OPA1: variants seen among roughly 807,000 people sequenced by gnomAD.
The protein encoded by OPA1 is OPA1 mitochondrial dynamin like GTPase, also known as dynamin-like GTPase OPA1, mitochondrial.
OPA1 carries 59 observed loss-of-function variants against 152.9 expected under a neutral mutation model. The ratio of observed to expected loss-of-function variants is 0.39; its 90% confidence interval spans 0.31 to 0.48. The LOEUF (loss-of-function observed/expected upper bound fraction) is 0.48. OPA1 is among the 20% of genes least tolerant of loss of function. The pLI is 0.96. For missense variants in OPA1, 1,008 were observed against 1,216.8 expected (o/e 0.83, Z 2.55); for synonymous variants, 400 against 389.9 (o/e 1.03, Z -0.31).
chr3:193,599,270 T>TTA (rs1726092788), intron 1 of OPA1, among the ~76,000 whole-genome samples: 2 of 152,208 alleles, frequency 1.3e-5, no homozygotes, highest in Non-Finnish European at 2.9e-5. Flanking sequence ...AGCCTCAGCC[T>TTA]TATATTCAGT....
At chr3:193,614,572 T>TA (rs1189892955) in intron 1 of OPA1, 151 bp from the exon 2 acceptor site, 1 of 704,872 alleles carries the variant, frequency 1.4e-6, no homozygotes, top group Non-Finnish European at 2.6e-6. Context: ...GTCTGGCACA[T>TA]AGTCAATGGT....
intron 11 of OPA1, among the ~76,000 whole-genome samples, chr3:193,641,450 A>G (rs1733771335): frequency 1.3e-4 from 1 of 7,602 alleles, no homozygotes; most frequent in Non-Finnish European, 2.4e-4. Context: ...TGTGCGCAGG[A>G]TGTAGGGTTT....
chr3:193,608,132 G>C (rs1408693341), intron 1 of OPA1, among the ~76,000 whole-genome samples: 2 of 152,136 alleles, frequency 1.3e-5, no homozygotes, highest in Non-Finnish European at 2.9e-5. Context: ...TATCAATTTT[G>C]TTGATCTTTT....
chr3:193,643,983 G>A lies in OPA1; in HGVS notation c.1486G>A (p.Val496Met). 1 of 1,613,668 alleles carries A rather than the reference G, an allele frequency of 6.2e-7. No homozygotes were observed. Among genetic ancestry groups the A allele is most frequent in the Non-Finnish European group, 8.5e-7 (1 of 1,179,766 alleles). ...AIILCIQDGSVDAERSIVTDL... is the reference protein window; with the variant it reads ...AIILCIQDGSMDAERSIVTDL... ...TTTTTTATTTTTTTCAGATGGATCT[G>A]TGGATGCTGAACGCAGTATTGTTAC... is the stretch of plus-strand genomic sequence containing the variant. The change falls in exon 16 of 31, where the codon GTG becomes ATG. Residue 496 changes from valine (V) to methionine (M), a missense_variant. Physicochemically the swap from Val to Met is conservative, Grantham distance 21. Coordinates refer to ENST00000361510, the MANE Select transcript of OPA1 (RefSeq NM_130837.3).
At chr3:193,685,827 T>C (rs760399901) in intron 29 of OPA1, among the ~76,000 whole-genome samples, 2 of 152,234 alleles carry the variant, frequency 1.3e-5, no homozygotes, top group Non-Finnish European at 2.9e-5. Context: ...ATTTTAATCA[T>C]AAGTTTTAAA....
At position 193,655,390 on chromosome 3, in the gene OPA1, ATACT is replaced by A. The variant is rs1452238253; in HGVS notation, c.2178+366_2178+369del. ...GGATTATAGAGATTCCATAAAGAAA[ATACT>A]TAATAGATGAAGCATTTCATCTGAG... On this transcript the variant is annotated intron_variant, in intron 22 of 30. Coordinates refer to ENST00000361510, the MANE Select transcript of OPA1 (RefSeq NM_130837.3). Among the ~76,000 whole-genome samples, 8 of 152,342 alleles carry A rather than the reference ATACT, an allele frequency of 5.3e-5. No individual in the cohort carries two copies. The East Asian group carries it at 1.3e-3, about 26-fold the overall frequency.
chr3:193,660,579 A>G (rs894187929), intron 25 of OPA1, among the ~76,000 whole-genome samples: 21 of 149,160 alleles, frequency 1.4e-4, no homozygotes, highest in African/African-American at 4.8e-4. Context: ...TGTATAATCT[A>G]TATCCTATTT....
rs1002455853 is a variant in OPA1, at chr3:193,667,204, G to A, written c.2907G>A (p.Leu969=). Residue 969 remains leucine, a synonymous_variant, in exon 29 of 31, where the codon TTG becomes TTA. Coordinates refer to ENST00000361510, the MANE Select transcript of OPA1 (RefSeq NM_130837.3). ...RRLEKNVKEV[L]EDFAEDGEKK... ...TAGAGAAAAATGTTAAAGAGGTATT[G>A]GAAGATTTTGCTGAAGATGGTGAGA... 2.5e-6 allele frequency: 4 copies of A among 1,602,972 alleles called. No individual in the cohort carries two copies. In the African/African-American group the frequency reaches 4.0e-5, roughly 16 times the overall value.
chr3:193,676,751 T>C (rs2938621), intron 29 of OPA1, among the ~76,000 whole-genome samples: 31,444 of 151,834 alleles, frequency 0.21, 3,885 homozygotes, highest in East Asian at 0.48. Flanking sequence ...GAGGCCAAGG[T>C]GGGCGGATCA....
chr3:193,648,904 GACTTTACTGT>G, intron 21 of OPA1, 33 bp downstream of exon 21: 1 of 1,322,294 alleles, frequency 7.6e-7, no homozygotes, highest in Non-Finnish European at 1.1e-6. Flanking sequence ...TTTTCTGAAA[GACTTTACTGT>G]ACAGGTTATA....
chr3:193,665,388 T>C (rs1024374035), intron 27 of OPA1, among the ~76,000 whole-genome samples: 3 of 151,998 alleles, frequency 2.0e-5, no homozygotes, highest in African/African-American at 7.2e-5. Flanking sequence ...AAAGAGAAAG[T>C]GTGTGTGTAT....
chr3:193,596,364 A>T (rs5029644), intron 1 of OPA1, among the ~76,000 whole-genome samples: 233 of 69,106 alleles, frequency 3.4e-3, no homozygotes, highest in South Asian at 6.6e-3. Context: ...TTCTTTTCTT[A>T]ATTTTCTTTT....
At position 193,635,425 on chromosome 3, in the gene OPA1, A is replaced by T. The variant is rs760177302; in HGVS notation, c.851A>T (p.Tyr284Phe). ...CTTATTATTTTATTGCAGTTGAAGT[A>T]TCAGAGAATCTTGGAACGATTAGAA... ...QEELLHTQLK[Y>F]QRILERLEKE... The change falls in exon 9 of 31, where the codon TAT (tyrosine) becomes TTT (phenylalanine). Residue 284 changes from tyrosine to phenylalanine, a missense_variant. Coordinates refer to ENST00000361510, the MANE Select transcript of OPA1 (RefSeq NM_130837.3). The T allele has an allele frequency of 1.3e-6, 2 of 1,584,368 alleles. No individual in the cohort carries two copies. The highest frequency in any genetic ancestry group is 4.5e-5 in the East Asian group (2 of 44,534).
chr3:193,614,572 T>C (rs140052744), intron 1 of OPA1, 151 bp from the exon 2 acceptor site: 7 of 704,872 alleles, frequency 9.9e-6, no homozygotes, highest in South Asian at 3.2e-5. Flanking sequence ...GTCTGGCACA[T>C]AGTCAATGGT....
chr3:193,690,238 A>G (rs1316133396), intron 29 of OPA1, among the ~76,000 whole-genome samples: 3 of 151,522 alleles, frequency 2.0e-5, no homozygotes, highest in Non-Finnish European at 4.4e-5. Flanking sequence ...TAAGGGGTTA[A>G]TGCTACCTTC....
chr3:193,685,996 A>G (rs910425028), intron 29 of OPA1, among the ~76,000 whole-genome samples: 1 of 152,220 alleles, frequency 6.6e-6, no homozygotes, highest in Non-Finnish European at 1.5e-5. Flanking sequence ...TAAAAATCAT[A>G]TCAAATAATT....
chr3:193,650,407 A>G (rs1424110783), intron 21 of OPA1, among the ~76,000 whole-genome samples: 1 of 152,214 alleles, frequency 6.6e-6, no homozygotes, highest in Non-Finnish European at 1.5e-5. Flanking sequence ...TTAGCTGTTC[A>G]TACCACATTG....
At chr3:193,594,547 C>G (rs925251177) in intron 1 of OPA1, among the ~76,000 whole-genome samples, 1 of 152,206 alleles carries the variant, frequency 6.6e-6, no homozygotes, top group Non-Finnish European at 1.5e-5. Flanking sequence ...GCCAGCACGC[C>G]TAGCTAATTT....
At chr3:193,673,439 C>T (rs1718350592) in intron 29 of OPA1, among the ~76,000 whole-genome samples, 1 of 152,144 alleles carries the variant, frequency 6.6e-6, no homozygotes. Flanking sequence ...ACTAAGCAAA[C>T]CAAGGGAAGT....
Sources: allele counts gnomAD v4.1 joint callset (sites outside exome capture counted in the v4.1 genomes callset), GRCh38; gene constraint gnomAD v4.1.1; transcripts MANE v1.5; gene names NCBI Gene and HGNC (gene_info 2026-07-23, HGNC 2026-07-21).